The following TOM1 variants were observed in gnomAD, a reference collection of about 807,000 sequenced individuals.
TOM1 encodes the protein target of Myb protein 1.
A neutral mutation model predicts 61.3 loss-of-function variants in TOM1; 38 were observed. The observed-to-expected ratio is 0.62, with a 90% confidence interval of 0.48 to 0.81. The LOEUF is 0.81. TOM1 is among the 40% of genes least tolerant of loss of function. TOM1 has a pLI of 0.00. For synonymous variants in TOM1, 270 were observed against 268.8 expected (o/e 1.00, Z -0.04); for missense variants, 591 against 659.6 (o/e 0.90, Z 1.14).
At chr22:35,315,071 CTG>C (rs1927167720) in intron 1 of TOM1, among the ~76,000 whole-genome samples, 1 of 152,156 alleles carries the variant, frequency 6.6e-6, no homozygotes, top group African/African-American at 2.4e-5. Flanking sequence ...AGGAAGGACA[CTG>C]TCATTTTCAG....
intron 8 of TOM1, chr22:35,331,506 G>C (rs562118669): frequency 2.7e-5 from 9 of 328,956 alleles, no homozygotes; most frequent in Non-Finnish European, 5.4e-5. Flanking sequence ...GTATGGGAGA[G>C]GGCCCTTTGA....
chr22:35,305,128 A>T (rs1926200695), intron 1 of TOM1, among the ~76,000 whole-genome samples: 1 of 152,254 alleles, frequency 6.6e-6, no homozygotes, highest in South Asian at 2.1e-4. Flanking sequence ...CAGTTGGGGA[A>T]TGATGGGCTG....
intron 1 of TOM1, among the ~76,000 whole-genome samples, chr22:35,305,769 A>G (rs1314805709): frequency 6.6e-6 from 1 of 152,144 alleles, no homozygotes; most frequent in Non-Finnish European, 1.5e-5. Flanking sequence ...GTTTCAGTAT[A>G]AATAGCTATC....
intron 2 of TOM1, among the ~76,000 whole-genome samples, chr22:35,320,348 T>C (rs1216406452): frequency 1.3e-5 from 2 of 152,124 alleles, no homozygotes; most frequent in Non-Finnish European, 2.9e-5. Flanking sequence ...AGGGCAGCAC[T>C]GAGTATACCT....
intron 12 of TOM1, chr22:35,344,699 G>A (rs544364391): frequency 6.6e-6 from 1 of 152,284 alleles, no homozygotes; most frequent in South Asian, 2.1e-4. Context: ...GGCCTGGTTG[G>A]GGAAAGACTC....
chr22:35,299,999 C>T lies in TOM1; in HGVS notation c.52+19C>T, dbSNP rs1242705130. 6.4e-7 allele frequency: 1 copy of T among 1,560,786 alleles called. No individual in the cohort carries two copies. The highest frequency in any genetic ancestry group is 8.7e-7 in the Non-Finnish European group (1 of 1,151,896). ...CGCATCGGTGAGTCCCTGGAGCCCC[C>T]CACAGCTCCGCCCCGGTGCTCCGCA... On this transcript the variant is annotated intron_variant, in intron 1 of 14. Coordinates refer to ENST00000449058, the MANE Select transcript of TOM1 (RefSeq NM_005488.3).
intron 1 of TOM1, among the ~76,000 whole-genome samples, chr22:35,307,050 C>A (rs1262934804): frequency 6.6e-6 from 1 of 151,970 alleles, no homozygotes; most frequent in Non-Finnish European, 1.5e-5. Flanking sequence ...AAAACCCAAA[C>A]CCTCAGTGTC....
intron 1 of TOM1, among the ~76,000 whole-genome samples, chr22:35,317,389 A>G (rs1927386470): frequency 1.3e-5 from 2 of 152,042 alleles, no homozygotes; most frequent in South Asian, 2.1e-4. Flanking sequence ...GGGCTTCACC[A>G]TGTTGGTCAG....
chr22:35,307,601 A>C (rs1221500875), intron 1 of TOM1, among the ~76,000 whole-genome samples: 2 of 152,220 alleles, frequency 1.3e-5, no homozygotes, highest in Non-Finnish European at 2.9e-5. Flanking sequence ...AGAGCACTGC[A>C]AAGTGCGGTG....
At chr22:35,331,267 C>A in intron 8 of TOM1, 4 of 447,286 alleles carry the variant, frequency 8.9e-6, no homozygotes, top group South Asian at 6.3e-5. Context: ...AGCTAATTTT[C>A]TTTTCTTTTT....
At chr22:35,312,207 G>A (rs1310568221) in intron 1 of TOM1, among the ~76,000 whole-genome samples, 1 of 149,958 alleles carries the variant, frequency 6.7e-6, no homozygotes, top group Admixed American at 6.7e-5. Context: ...TCGCACCACT[G>A]TACTCCAGCC....
intron 1 of TOM1, among the ~76,000 whole-genome samples, chr22:35,301,569 T>G (rs1925791309): frequency 6.6e-6 from 1 of 152,246 alleles, no homozygotes; most frequent in African/African-American, 2.4e-5. Flanking sequence ...ACTTTTCGTC[T>G]TAAGTCCAGA....
At chr22:35,333,313 C>T (rs1023135258) in intron 9 of TOM1, 91 bp from the exon 10 acceptor site, 3 of 1,253,974 alleles carry the variant, frequency 2.4e-6, no homozygotes, top group Non-Finnish European at 2.3e-6. Context: ...TGACAGATCC[C>T]TGGGCAAAGC....
Position 35,323,383 on chromosome 22 carries a change from G to GT in TOM1, c.367-111dup, listed in dbSNP as rs1928007799. 6.9e-6 allele frequency: 9 copies of GT among 1,304,450 alleles called. No individual in the cohort carries two copies. The highest frequency in any genetic ancestry group is 6.3e-6 in the Non-Finnish European group (6 of 948,520). The allele number at this position is 1,304,450 out of a possible 1,614,324, so 80.8% of individuals were successfully genotyped here. ...CTGTGGAGTGGGCAGGGCAGATGTA[G>GT]TTAAAAAAAAAAAAAAAGCAGGGAA... is the stretch of plus-strand genomic sequence containing the variant. On this transcript the variant is annotated intron_variant, in intron 4 of 14. Coordinates refer to ENST00000449058, the MANE Select transcript of TOM1 (RefSeq NM_005488.3). This position sits in a 1 kb window ranked among gnomAD's most constrained non-coding sequence, Gnocchi z 4.2.
intron 2 of TOM1, chr22:35,321,680 T>C (rs1422472407): frequency 3.8e-6 from 2 of 520,400 alleles, no homozygotes; most frequent in Admixed American, 2.3e-5. Flanking sequence ...ATTACAGGCA[T>C]GAGCCACCGC....
At chr22:35,327,017 C>A (rs368153015) in intron 6 of TOM1, among the ~76,000 whole-genome samples, 2 of 152,198 alleles carry the variant, frequency 1.3e-5, no homozygotes, top group African/African-American at 2.4e-5. Context: ...TCCAGCCACA[C>A]GTGGTGGCTC....
At chr22:35,333,055 A>G (rs1465883929) in intron 9 of TOM1, 41 bp downstream of exon 9, 1 of 1,609,328 alleles carries the variant, frequency 6.2e-7, no homozygotes, top group African/African-American at 1.3e-5. Flanking sequence ...GGCCCTGTTC[A>G]TGGGAAGAAG....
intron 12 of TOM1, among the ~76,000 whole-genome samples, chr22:35,339,798 G>T (rs946064921): frequency 6.6e-6 from 1 of 151,904 alleles, no homozygotes; most frequent in African/African-American, 2.4e-5. Flanking sequence ...CAGCTACTTG[G>T]GAGGCTGAGG....
At chr22:35,312,687 AG>A (rs1243541672) in intron 1 of TOM1, among the ~76,000 whole-genome samples, 1 of 152,170 alleles carries the variant, frequency 6.6e-6, no homozygotes, top group Non-Finnish European at 1.5e-5. Context: ...GTGCATGCTG[AG>A]TGCCAGATGA....
Sources: allele counts gnomAD v4.1 joint callset (sites outside exome capture counted in the v4.1 genomes callset), GRCh38; gene constraint gnomAD v4.1.1; non-coding constraint Gnocchi (gnomAD v3.1); transcripts MANE v1.5; gene names NCBI Gene and HGNC (gene_info 2026-07-23, HGNC 2026-07-21).